The following POLR2D variants were observed in gnomAD, a reference collection of about 807,000 sequenced individuals.
POLR2D encodes DNA-directed RNA polymerase II subunit RPB4.
A neutral mutation model predicts 17.6 loss-of-function variants in POLR2D; 10 were observed. The ratio of observed to expected loss-of-function variants is 0.57; its 90% CI spans 0.35 to 0.96. The LOEUF is 0.96. POLR2D is among the 40% of genes least tolerant of loss of function. The pLI is 0.02. For synonymous variants in POLR2D, 52 were observed against 60.2 expected, an observed-to-expected ratio of 0.86 and a Z score of 0.63; for missense variants, 126 against 176.4, an observed-to-expected ratio of 0.71 and a Z score of 1.62.
chr2:127,848,055 T>C lies in POLR2D; in HGVS notation c.*52A>G. The C allele has an allele frequency of 3.5e-6, 4 of 1,138,666 alleles. No homozygotes were observed. The highest frequency in any genetic ancestry group is 5.4e-6 in the Non-Finnish European group (4 of 745,912). The allele number at this position is 1,138,666 out of a possible 1,614,324, so 70.5% of individuals were successfully genotyped here. On this transcript the variant is annotated 3_prime_UTR_variant, in exon 4 of 4. Transcript: ENST00000272645. ...AAGTCAGCCCCAGACAGTGGGAAGG[T>C]GGTGTTATGCCTGGGGATGTGGTTT...
chr2:127,853,288 G>A (rs1465830059), intron 1 of POLR2D, among the ~76,000 whole-genome samples, 183 bp from the exon 2 acceptor site: 1 of 152,066 alleles, frequency 6.6e-6, no homozygotes, highest in African/African-American at 2.4e-5. Context: ...TGTACTACAG[G>A]GAAAATGGGT....
chr2:127,849,673 A>G (rs1318015454), intron 3 of POLR2D, among the ~76,000 whole-genome samples: 2 of 152,146 alleles, frequency 1.3e-5, no homozygotes, highest in East Asian at 3.9e-4. Flanking sequence ...CTGTATAATA[A>G]ACATTGTATG....
At chr2:127,850,389 G>A (rs1010401108) in intron 3 of POLR2D, among the ~76,000 whole-genome samples, 8 of 126,514 alleles carry the variant, frequency 6.3e-5, no homozygotes, top group African/African-American at 2.2e-4. Context: ...GTGGTGAGCC[G>A]AGATCACACC....
At chr2:127,857,979 G>A (rs918990895) in intron 1 of POLR2D, 49 bp downstream of exon 1, 2 of 1,564,940 alleles carry the variant, frequency 1.3e-6, no homozygotes, top group Admixed American at 3.7e-5. Flanking sequence ...CCAGGCCTGC[G>A]GCGACCACGC....
At position 127,845,236 on chromosome 2, in the gene POLR2D, G is replaced by A. The variant is rs1333578451; in HGVS notation, c.*2871C>T. ...GCCTCTCTCAAGAAATAATTCTGCA[G>A]TACTCACTTTGGCAGCACATATACC... On this transcript the variant is annotated 3_prime_UTR_variant, in exon 4 of 4. Transcript: ENST00000272645. 3 of 152,128 alleles carry A rather than the reference G, an allele frequency of 2.0e-5. No individual in the cohort carries two copies. The highest frequency in any genetic ancestry group is 3.8e-4 in the East Asian group (2 of 5,196). The allele number at this position is 152,128 out of a possible 1,614,324, so 9.4% of individuals were successfully genotyped here.
Position 127,858,117 on chromosome 2 carries a change from G to GC in POLR2D, c.-18dup, listed in dbSNP as rs1690373829. ...CGCCGCCATCGCCGCGCCGCGCCGC[G>GC]CGCCACCACCAGCGCCGCCGGAAGC... On this transcript the variant is annotated 5_prime_UTR_variant, in exon 1 of 4. Coordinates refer to ENST00000272645, the MANE Select transcript of POLR2D (RefSeq NM_004805.4). 1.4e-6 allele frequency: 2 copies of GC among 1,473,032 alleles called. No homozygotes were observed. The highest frequency in any genetic ancestry group is 1.8e-6 in the Non-Finnish European group (2 of 1,110,938). 91.2% of individuals were successfully genotyped at this position (1,473,032 alleles called of 1,614,324 possible).
Position 127,850,652 on chromosome 2 carries a change from C to T in POLR2D, c.288G>A (p.Glu96=). ...GGCAAAGGTTGGCCAAACAGGCCAA[C>T]TCAAACTTATGAAGCTTTTTCTGGA... The part of the protein sequence containing the change: ...LLLQKKLHKF[E]LACLANLCPE... The change falls in exon 3 of 4, where the codon GAG becomes GAA. Residue 96 remains glutamate (E), a synonymous_variant. Coordinates refer to ENST00000272645, the MANE Select transcript of POLR2D (RefSeq NM_004805.4). 6.3e-7 allele frequency: 1 copy of T among 1,584,258 alleles called. No homozygotes were observed. The highest frequency in any genetic ancestry group is 8.6e-7 in the Non-Finnish European group (1 of 1,163,420).
rs1030081900 is a variant in POLR2D at position 127,844,698 on chromosome 2, G to A, written c.*3409C>T. 6.6e-6 allele frequency: 1 copy of A among 151,972 alleles called. No individual in the cohort carries two copies. The highest frequency in any genetic ancestry group is 6.6e-5 in the Admixed American group (1 of 15,224). The allele number at this position is 151,972 out of a possible 1,614,324, so 9.4% of individuals were successfully genotyped here. Reference sequence around the variant, plus strand: ...GATGGAGTCTCGCTCTTGTTGCCCAGGCTGGAGTGCAATGGCATGATCTTG... The same window carrying A: ...GATGGAGTCTCGCTCTTGTTGCCCAAGCTGGAGTGCAATGGCATGATCTTG... On this transcript the variant is annotated 3_prime_UTR_variant, in exon 4 of 4. Transcript: ENST00000272645.
intron 1 of POLR2D, chr2:127,857,790 T>C: frequency 7.7e-7 from 1 of 1,301,226 alleles, no homozygotes; most frequent in Non-Finnish European, 9.7e-7. Flanking sequence ...GCTTTGTTTA[T>C]CTTTGACACA....
rs1453988000 is a variant in POLR2D at position 127,843,656 on chromosome 2, A to G, written c.*4451T>C. 1 of 152,578 alleles carries G rather than the reference A, an allele frequency of 6.6e-6. No individual in the cohort carries two copies. The highest frequency in any genetic ancestry group is 2.1e-4 in the South Asian group (1 of 4,818). The allele number at this position is 152,578 out of a possible 1,614,324, so 9.5% of individuals were successfully genotyped here. A position where few individuals can be genotyped will look rare whatever the true frequency, so the allele number is the denominator to read the frequency against. On this transcript the variant is annotated 3_prime_UTR_variant, in exon 4 of 4. Coordinates refer to ENST00000272645, the MANE Select transcript of POLR2D (RefSeq NM_004805.4). ...CATGCCTCAGGTCTAATAAATCTTAATAAAACCAGAATGACTAGATGCTAT... is the reference window on the plus strand; with the variant it reads ...CATGCCTCAGGTCTAATAAATCTTAGTAAAACCAGAATGACTAGATGCTAT...
rs747912795 is a variant in POLR2D, at chr2:127,858,101, C to T, written c.-1G>A. The T allele has an allele frequency of 1.4e-6, 2 of 1,473,084 alleles. No homozygotes were observed. The highest frequency in any genetic ancestry group is 2.6e-5 in the South Asian group (2 of 76,244). The allele number at this position is 1,473,084 out of a possible 1,614,324, so 91.3% of individuals were successfully genotyped here. On this transcript the variant is annotated 5_prime_UTR_variant, in exon 1 of 4. Transcript: ENST00000272645. ...GCGGATCGCTGCCACCCGCCGCCAT[C>T]GCCGCGCCGCGCCGCGCGCCACCAC...
At chr2:127,857,208 TG>T (rs1295464361) in intron 1 of POLR2D, 4 of 151,988 alleles carry the variant, frequency 2.6e-5, no homozygotes, top group African/African-American at 9.7e-5. Flanking sequence ...CTCAGCTACT[TG>T]GGAGGCTGAG....
Position 127,843,838 on chromosome 2 carries a change from G to T in POLR2D, c.*4269C>A, listed in dbSNP as rs1034487834. The stretch of plus-strand genomic sequence containing the variant: ...TAAAAGAGGCTGCGGGCTGGGTGCA[G>T]TGACTCATGCCTCTAATCTCAGCAT... On this transcript the variant is annotated 3_prime_UTR_variant, in exon 4 of 4. Transcript: ENST00000272645. 2 of 153,666 alleles carry T rather than the reference G, an allele frequency of 1.3e-5. No individual in the cohort carries two copies. Among genetic ancestry groups the T allele is most frequent in the African/African-American group, 4.8e-5 (2 of 41,420 alleles). 9.5% of individuals were successfully genotyped at this position (153,666 alleles called of 1,614,324 possible).
intron 1 of POLR2D, among the ~76,000 whole-genome samples, chr2:127,853,393 A>G (rs1257577856): frequency 1.3e-5 from 2 of 152,172 alleles, no homozygotes; most frequent in Admixed American, 1.3e-4. Context: ...CACCCCCTCA[A>G]CTAGGCCTCA....
rs1353789187 is a variant in POLR2D at position 127,852,505 on chromosome 2, C to T, written c.254+420G>A. Among the ~76,000 whole-genome samples, 2 of 152,006 alleles carry T rather than the reference C, an allele frequency of 1.3e-5. No individual in the cohort carries two copies. The highest frequency in any genetic ancestry group is 3.9e-4 in the East Asian group (2 of 5,186). The stretch of plus-strand genomic sequence containing the variant: ...AAGAGACTGGTCCACCTCAGCTCCA[C>T]AAAGTGTGGATTACAGGTGTAAGCC... On this transcript the variant is annotated intron_variant, in intron 2 of 3. Coordinates refer to ENST00000272645, the MANE Select transcript of POLR2D (RefSeq NM_004805.4). The surrounding 1 kb of genome is among the most constrained non-coding windows in gnomAD (Gnocchi z 4.0).
Position 127,852,365 on chromosome 2 carries a change from C to T in POLR2D, c.254+560G>A, listed in dbSNP as rs1012974983. 4.8e-4 allele frequency among the ~76,000 whole-genome samples: 73 copies of T among 152,136 alleles called. 1 individual carries two copies. The highest frequency in any genetic ancestry group is 4.8e-3 in the Admixed American group (73 of 15,264). ...TCACATGATCCTCCCACTTCAGCCT[C>T]CCAAGTAACTAGGACCACAGGTACC... On this transcript the variant is annotated intron_variant, in intron 2 of 3. Coordinates refer to ENST00000272645, the MANE Select transcript of POLR2D (RefSeq NM_004805.4). This position sits in a 1 kb window ranked among gnomAD's most constrained non-coding sequence, Gnocchi z 4.0.
chr2:127,857,694 G>A (rs1427098855), intron 1 of POLR2D: 7 of 590,966 alleles, frequency 1.2e-5, no homozygotes, highest in Admixed American at 5.6e-5. Context: ...ACTAATCGAA[G>A]TTGAGTTCGG....
At position 127,844,483 on chromosome 2, in the gene POLR2D, A is replaced by G. The variant is rs1442002038; in HGVS notation, c.*3624T>C. The G allele has an allele frequency of 6.6e-6, 1 of 152,186 alleles. No individual in the cohort carries two copies. The highest frequency in any genetic ancestry group is 1.5e-5 in the Non-Finnish European group (1 of 68,036). The allele number at this position is 152,186 out of a possible 1,614,324, so 9.4% of individuals were successfully genotyped here. On this transcript the variant is annotated 3_prime_UTR_variant, in exon 4 of 4. Coordinates refer to ENST00000272645, the MANE Select transcript of POLR2D (RefSeq NM_004805.4). ...TGATTTTACACAGTACAATGAGCCT[A>G]ACAATGTTTCACAAATTGTGCAAGG... is the stretch of plus-strand genomic sequence containing the variant.
At chr2:127,853,289 G>GA (rs1690278398) in intron 1 of POLR2D, among the ~76,000 whole-genome samples, 184 bp from the exon 2 acceptor site, 1 of 152,096 alleles carries the variant, frequency 6.6e-6, no homozygotes, top group African/African-American at 2.4e-5. Context: ...GTACTACAGG[G>GA]AAAATGGGTG....
Sources: gnomAD v4.1 joint callset for allele counts (sites outside exome capture counted in the v4.1 genomes callset) on GRCh38, gnomAD v4.1.1 for gene constraint, Gnocchi (gnomAD v3.1) non-coding constraint, MANE v1.5 for transcripts, NCBI Gene and HGNC (gene_info 2026-07-23, HGNC 2026-07-21) for gene names.